Variants in SPSB4 observed in about 807,000 individuals in gnomAD.
The protein encoded by SPSB4 is splA/ryanodine receptor domain and SOCS box containing 4.
In SPSB4, 21 loss-of-function variants were observed where a neutral mutation model predicts 20.9. The ratio of observed to expected loss-of-function variants is 1.01; its 90% CI spans 0.71 to 1.45. SPSB4 has a LOEUF of 1.45. Ranked by LOEUF, SPSB4 falls within the 40% of genes most tolerant of loss-of-function variation. SPSB4 has a pLI of 0.00. For synonymous variants in SPSB4, 207 were observed against 183.8 expected, an observed-to-expected ratio of 1.13 and a Z score of -1.02; for missense variants, 399 against 399.2, an observed-to-expected ratio of 1.00 and a Z score of 0.00.
In SPSB4 at chr3:141,066,185, G is replaced by T; in HGVS notation, c.81G>T (p.Arg27=). ...PALRPAKREL[R]GAEPGRPARL... ...TGCGGCCGGCCAAGCGGGAGCTGCG[G>T]GGTGCAGAGCCCGGGCGGCCGGCGC... is the stretch of plus-strand genomic sequence containing the variant. Residue 27 remains arginine, a synonymous_variant, in exon 2 of 3, where the codon CGG becomes CGT. Coordinates refer to ENST00000310546, the MANE Select transcript of SPSB4 (RefSeq NM_080862.3). 6.5e-7 allele frequency: 1 copy of T among 1,533,884 alleles called. No homozygotes were observed. The highest frequency in any genetic ancestry group is 8.8e-7 in the Non-Finnish European group (1 of 1,142,140).
chr3:141,106,219 C>T (rs1311716876), intron 2 of SPSB4, among the ~76,000 whole-genome samples: 1 of 152,168 alleles, frequency 6.6e-6, no homozygotes, highest in Non-Finnish European at 1.5e-5. Context: ...TTATTGTCCT[C>T]CTATGTTGCA....
At chr3:141,120,530 T>G (rs563565925) in intron 2 of SPSB4, among the ~76,000 whole-genome samples, 1 of 152,304 alleles carries the variant, frequency 6.6e-6, no homozygotes, top group East Asian at 1.9e-4. Context: ...CTCCCATTAT[T>G]ATTGTGTGGG....
At chr3:141,061,084 A>T (rs1218701404) in intron 1 of SPSB4, among the ~76,000 whole-genome samples, 1 of 152,122 alleles carries the variant, frequency 6.6e-6, no homozygotes, top group South Asian at 2.1e-4. Flanking sequence ...CTTGTTTTAC[A>T]TATTTCTGTC....
At chr3:141,054,784 T>G (rs1576511280) in intron 1 of SPSB4, among the ~76,000 whole-genome samples, 1 of 152,110 alleles carries the variant, frequency 6.6e-6, no homozygotes, top group African/African-American at 2.4e-5. Context: ...GCTAACACAG[T>G]GAAACCCCGT....
intron 1 of SPSB4, among the ~76,000 whole-genome samples, chr3:141,056,238 G>A (rs1219579497): frequency 6.6e-6 from 1 of 152,228 alleles, no homozygotes; most frequent in Non-Finnish European, 1.5e-5. Context: ...CTGGAGCTCT[G>A]CTTTCTCCAG....
At chr3:141,086,133 C>G (rs996302838) in intron 2 of SPSB4, among the ~76,000 whole-genome samples, 3 of 152,212 alleles carry the variant, frequency 2.0e-5, no homozygotes, top group African/African-American at 7.2e-5. Flanking sequence ...AAGGGAAGTT[C>G]TGAGCCATTT....
chr3:141,082,541 G>A (rs908551610), intron 2 of SPSB4, among the ~76,000 whole-genome samples: 23 of 152,204 alleles, frequency 1.5e-4, no homozygotes, highest in African/African-American at 5.1e-4. Context: ...CAGAACTGCT[G>A]TGCTTTCCAG....
At chr3:141,057,069 C>T (rs1236687468) in intron 1 of SPSB4, among the ~76,000 whole-genome samples, 1 of 152,222 alleles carries the variant, frequency 6.6e-6, no homozygotes, top group South Asian at 2.1e-4. Context: ...GATTCTCGCT[C>T]CAGGAAAACA....
chr3:141,110,770 C>A (rs1239726323), intron 2 of SPSB4, among the ~76,000 whole-genome samples: 1 of 152,230 alleles, frequency 6.6e-6, no homozygotes, highest in African/African-American at 2.4e-5. Context: ...CTTAGCAAGT[C>A]TTATGGCCAC....
chr3:141,148,385 C>A lies in SPSB4; in HGVS notation c.*1116C>A. 6.5e-6 allele frequency: 1 copy of A among 153,256 alleles called. No individual in the cohort carries two copies. The highest frequency in any genetic ancestry group is 1.5e-5 in the Non-Finnish European group (1 of 68,464). The allele number at this position is 153,256 out of a possible 1,614,324, so 9.5% of individuals were successfully genotyped here. ...CTACCTGCTCCGAGCCTGGTCCTCT[C>A]GCAGGAATGCTGCTGCTGCCTCCGC... On this transcript the variant is annotated 3_prime_UTR_variant, in exon 3 of 3. Coordinates refer to ENST00000310546, the MANE Select transcript of SPSB4 (RefSeq NM_080862.3). The surrounding 1 kb of genome is among the most constrained non-coding windows in gnomAD (Gnocchi z 4.5).
At chr3:141,134,676 C>A (rs961653040) in intron 2 of SPSB4, among the ~76,000 whole-genome samples, 1 of 152,108 alleles carries the variant, frequency 6.6e-6, no homozygotes, top group Non-Finnish European at 1.5e-5. Context: ...CCTGCTTGAT[C>A]ATGGTTAATT....
intron 2 of SPSB4, among the ~76,000 whole-genome samples, chr3:141,127,161 C>T (rs1021445444): frequency 6.6e-6 from 1 of 152,244 alleles, no homozygotes; most frequent in Non-Finnish European, 1.5e-5. Flanking sequence ...ATAGTGAACA[C>T]CCATGTGGCT....
Position 141,051,526 on chromosome 3 carries a change from C to T in SPSB4, c.-620C>T, listed in dbSNP as rs1190457959. The T allele has an allele frequency of 1.3e-5, 2 of 152,514 alleles. No homozygotes were observed. The highest frequency in any genetic ancestry group is 2.9e-5 in the Non-Finnish European group (2 of 67,910). The allele number at this position is 152,514 out of a possible 1,614,324, so 9.4% of individuals were successfully genotyped here. On this transcript the variant is annotated 5_prime_UTR_variant, in exon 1 of 3. Coordinates refer to ENST00000310546, the MANE Select transcript of SPSB4 (RefSeq NM_080862.3). ...GGCGATGAACACACCACATCCCGGG[C>T]CCGGGCCCCAGCTGCTGCTACCGCT...
At chr3:141,053,563 C>A (rs1302286319) in intron 1 of SPSB4, among the ~76,000 whole-genome samples, 3 of 152,116 alleles carry the variant, frequency 2.0e-5, no homozygotes, top group African/African-American at 7.2e-5. Context: ...TATACCACTC[C>A]TATCACAACA....
rs1438421059 is a variant in SPSB4 at position 141,066,398 on chromosome 3, C to T, written c.294C>T (p.His98=). ...RGKVGHARGL[H]AWQINWPARQ... ...AGGTGGGCCACGCCCGCGGCCTGCA[C>T]GCCTGGCAGATCAACTGGCCGGCTC... Residue 98 remains histidine (H), a synonymous_variant, in exon 2 of 3, where the codon CAC becomes CAT. Transcript: ENST00000310546. The T allele has an allele frequency of 2.0e-6, 3 of 1,537,042 alleles. No homozygotes were observed. The South Asian group carries it at 3.6e-5, about 19-fold the overall frequency.
intron 2 of SPSB4, chr3:141,077,574 A>C (rs1938141253): frequency 6.6e-6 from 1 of 152,340 alleles, no homozygotes; most frequent in South Asian, 2.1e-4. Context: ...ATTCATGAGG[A>C]GGTCCCAGGG....
intron 2 of SPSB4, among the ~76,000 whole-genome samples, chr3:141,125,549 C>G (rs1939038105): frequency 6.6e-6 from 1 of 152,186 alleles, no homozygotes; most frequent in Non-Finnish European, 1.5e-5. Context: ...GAATTGAAGT[C>G]AACATGTGCC....
chr3:141,072,097 T>C (rs1301171791), intron 2 of SPSB4, among the ~76,000 whole-genome samples: 2 of 152,188 alleles, frequency 1.3e-5, no homozygotes, highest in African/African-American at 4.8e-5. Flanking sequence ...CCCCATCCCT[T>C]ATCAATCTGT....
At chr3:141,134,120 A>G (rs1451888639) in intron 2 of SPSB4, among the ~76,000 whole-genome samples, 1 of 119,796 alleles carries the variant, frequency 8.3e-6, no homozygotes, top group Non-Finnish European at 1.6e-5. Context: ...GATTCTGGTC[A>G]CTGTTGGTGT....
Sources: allele counts gnomAD v4.1 joint callset (sites outside exome capture counted in the v4.1 genomes callset), GRCh38; gene constraint gnomAD v4.1.1; non-coding constraint Gnocchi (gnomAD v3.1); transcripts MANE v1.5; gene names NCBI Gene and HGNC (gene_info 2026-07-23, HGNC 2026-07-21).